The following CSMD1 variants were observed in gnomAD, a reference collection of about 807,000 sequenced individuals.
The protein encoded by CSMD1 is CUB and Sushi multiple domains 1, also known as CUB and sushi domain-containing protein 1.
In CSMD1, 213 loss-of-function variants were observed where a neutral mutation model predicts 417.5. That is an observed-to-expected ratio of 0.51 (90% CI 0.46 to 0.57). The LOEUF is 0.57. Among genes scored for constraint, CSMD1 ranks in the 20% least tolerant of loss-of-function variants. The probability of loss-of-function intolerance (pLI) is 0.00; values close to 1 mark genes in which losing one functional copy is unlikely to be tolerated. For synonymous variants in CSMD1, 2,862 were observed against 1,736.8 expected, an observed-to-expected ratio of 1.65 and a Z score of -16.11; for missense variants, 6,923 against 4,529.7, an observed-to-expected ratio of 1.53 and a Z score of -15.17.
intron 7 of CSMD1, among the ~76,000 whole-genome samples, chr8:3,617,824 T>A (rs1170797780): frequency 6.6e-6 from 1 of 152,136 alleles, no homozygotes; most frequent in East Asian, 1.9e-4. Flanking sequence ...ATAGCGTAAA[T>A]CCAATGAATA....
intron 10 of CSMD1, among the ~76,000 whole-genome samples, chr8:3,535,007 G>C (rs1248827644): frequency 1.3e-5 from 2 of 152,190 alleles, no homozygotes; most frequent in Non-Finnish European, 2.9e-5. Flanking sequence ...GAGTGCAGTG[G>C]TGCAATCAGA....
intron 3 of CSMD1, among the ~76,000 whole-genome samples, chr8:4,194,010 G>A (rs1472990196): frequency 1.3e-5 from 2 of 151,972 alleles, no homozygotes; most frequent in Non-Finnish European, 2.9e-5. Flanking sequence ...CCTTCATAAT[G>A]TTTTTGATAT....
At chr8:4,415,039 G>C (rs530689823) in intron 3 of CSMD1, among the ~76,000 whole-genome samples, 4 of 152,172 alleles carry the variant, frequency 2.6e-5, no homozygotes, top group Admixed American at 6.5e-5. Context: ...GCTATCCTTC[G>C]TTTCATAGTC....
At chr8:3,126,932 G>A (rs1817542502) in intron 41 of CSMD1, among the ~76,000 whole-genome samples, 1 of 152,188 alleles carries the variant, frequency 6.6e-6, no homozygotes, top group Non-Finnish European at 1.5e-5. Context: ...CTTCACCTAG[G>A]AGACGGGTCT....
At chr8:3,463,023 A>G (rs1461578135) in intron 12 of CSMD1, among the ~76,000 whole-genome samples, 1 of 152,220 alleles carries the variant, frequency 6.6e-6, no homozygotes, top group East Asian at 1.9e-4. Context: ...GGCGCCATCT[A>G]TGAACCAGGA....
intron 54 of CSMD1, among the ~76,000 whole-genome samples, chr8:2,983,023 A>G (rs1297417589): frequency 6.6e-6 from 1 of 152,140 alleles, no homozygotes; most frequent in Non-Finnish European, 1.5e-5. Flanking sequence ...CAGGATTCGT[A>G]TCTATTCGAT....
intron 3 of CSMD1, among the ~76,000 whole-genome samples, chr8:4,267,894 G>A (rs1804320400): frequency 2.0e-5 from 3 of 152,008 alleles, no homozygotes; most frequent in Non-Finnish European, 4.4e-5. Flanking sequence ...TTTAAACACT[G>A]TAATGACTGA....
chr8:3,329,638 A>G (rs1353917759), intron 23 of CSMD1, among the ~76,000 whole-genome samples: 1 of 152,156 alleles, frequency 6.6e-6, no homozygotes, highest in Non-Finnish European at 1.5e-5. Context: ...GGCTACTACA[A>G]AGGTCTGCCT....
chr8:3,596,604 G>A (rs1308791140), intron 8 of CSMD1, among the ~76,000 whole-genome samples: 2 of 151,822 alleles, frequency 1.3e-5, no homozygotes, highest in African/African-American at 4.8e-5. Flanking sequence ...TTTCCTCCCG[G>A]GCTTATATCT....
chr8:3,111,906 G>A (rs1332065848), intron 42 of CSMD1, among the ~76,000 whole-genome samples: 2 of 152,084 alleles, frequency 1.3e-5, no homozygotes, highest in East Asian at 3.9e-4. Flanking sequence ...TGTTGGCAGT[G>A]CACTTTTCCT....
At chr8:3,740,935 G>T (rs1015308746) in intron 6 of CSMD1, among the ~76,000 whole-genome samples, 1 of 152,032 alleles carries the variant, frequency 6.6e-6, no homozygotes, top group African/African-American at 2.4e-5. Context: ...GATAGAGGGG[G>T]CCAGGGGTAG....
At chr8:4,023,103 G>A (rs1414786011) in intron 4 of CSMD1, among the ~76,000 whole-genome samples, 1 of 152,112 alleles carries the variant, frequency 6.6e-6, no homozygotes, top group South Asian at 2.1e-4. Flanking sequence ...TTCAGCTAAT[G>A]CAGTGGATGT....
chr8:3,857,984 A>G (rs570345430), intron 5 of CSMD1, among the ~76,000 whole-genome samples: 22 of 152,344 alleles, frequency 1.4e-4, no homozygotes, highest in Admixed American at 8.5e-4. Flanking sequence ...ATTGTTCGGC[A>G]TGGTGCGGTC....
At chr8:3,780,229 A>C (rs992509551) in intron 5 of CSMD1, among the ~76,000 whole-genome samples, 1 of 152,228 alleles carries the variant, frequency 6.6e-6, no homozygotes. Flanking sequence ...ACTGGCATTA[A>C]TCAAATCAGC....
intron 4 of CSMD1, among the ~76,000 whole-genome samples, chr8:4,014,269 CAG>C (rs1259398893): frequency 2.6e-5 from 4 of 152,118 alleles, no homozygotes; most frequent in African/African-American, 7.2e-5. Flanking sequence ...GCTATATGTA[CAG>C]AGACACTAAT....
At chr8:3,382,770 A>C (rs2116781283) in intron 18 of CSMD1, among the ~76,000 whole-genome samples, 1 of 151,838 alleles carries the variant, frequency 6.6e-6, no homozygotes, top group East Asian at 1.9e-4. Flanking sequence ...TACATGGAGA[A>C]TGCAACTATT....
At chr8:4,014,464 A>C (rs1402002668) in intron 4 of CSMD1, among the ~76,000 whole-genome samples, 1 of 152,174 alleles carries the variant, frequency 6.6e-6, no homozygotes, top group Non-Finnish European at 1.5e-5. Flanking sequence ...AGCCTCTAAG[A>C]AGCTTTTTAG....
chr8:4,754,970 C>A (rs1396972410), intron 1 of CSMD1, among the ~76,000 whole-genome samples: 1 of 152,066 alleles, frequency 6.6e-6, no homozygotes, highest in Non-Finnish European at 1.5e-5. Context: ...AACCCTGTCT[C>A]TACTAAAAAC....
chr8:3,442,501 A>G (rs1348091180), intron 12 of CSMD1, among the ~76,000 whole-genome samples: 2 of 152,182 alleles, frequency 1.3e-5, no homozygotes, highest in African/African-American at 4.8e-5. Context: ...TTCGATACAC[A>G]AATGTTACTT....
Sources: allele counts gnomAD v4.1 joint callset (sites outside exome capture counted in the v4.1 genomes callset), GRCh38; gene constraint gnomAD v4.1.1; transcripts MANE v1.5; gene names NCBI Gene and HGNC (gene_info 2026-07-23, HGNC 2026-07-21).